Variants in GABRB3 observed in about 807,000 individuals in gnomAD.
The protein encoded by GABRB3 is gamma-aminobutyric acid type A receptor subunit beta3, also known as gamma-aminobutyric acid receptor subunit beta-3.
A neutral mutation model predicts 52.1 loss-of-function variants in GABRB3; 14 were observed. The observed-to-expected ratio is 0.27, with a 90% CI of 0.18 to 0.42. The LOEUF (loss-of-function observed/expected upper bound fraction) is 0.42, where lower values mean the gene tolerates loss of function less well. Ranked by LOEUF, GABRB3 falls within the 10% of genes least tolerant of loss-of-function variation. GABRB3 has a pLI of 1.00. For missense variants in GABRB3, 307 were observed against 609.1 expected, an observed-to-expected ratio of 0.50 and a Z score of 5.22; for synonymous variants, 260 against 232.3, an observed-to-expected ratio of 1.12 and a Z score of -1.08.
At chr15:26,572,350 G>A (rs1423278438) in intron 6 of GABRB3, among the ~76,000 whole-genome samples, 2 of 152,210 alleles carry the variant, frequency 1.3e-5, no homozygotes, top group African/African-American at 4.8e-5. Context: ...CACCTCTGGT[G>A]TATGAGACAT....
chr15:26,662,186 C>T (rs1595515939), intron 3 of GABRB3, among the ~76,000 whole-genome samples: 1 of 152,188 alleles, frequency 6.6e-6, no homozygotes, highest in Admixed American at 6.5e-5. Flanking sequence ...TACTTATCCT[C>T]TTTCATCTTT....
At chr15:26,667,225 A>G (rs2140623602) in intron 3 of GABRB3, among the ~76,000 whole-genome samples, 1 of 152,316 alleles carries the variant, frequency 6.6e-6, no homozygotes, top group African/African-American at 2.4e-5. Flanking sequence ...GATTCCAGCC[A>G]AAGTCTCCAA....
chr15:26,772,685 G>A lies in GABRB3; in HGVS notation c.168C>T (p.Phe56=). 2 of 1,569,294 alleles carry A rather than the reference G, an allele frequency of 1.3e-6. No individual in the cohort carries two copies. The highest frequency in any genetic ancestry group is 1.7e-6 in the Non-Finnish European group (2 of 1,158,008). Residue 56 remains phenylalanine, a synonymous_variant, in exon 2 of 9, where the codon TTC becomes TTT. Coordinates refer to ENST00000311550, the MANE Select transcript of GABRB3 (RefSeq NM_000814.6). The part of the protein sequence containing the change: ...KGYDIRLRPD[F]GGPPVCVGMN... ...GGCCGCGCGCAGCCCACTTACCCCC[G>A]AAGTCGGGTCTTAGGCGAATGTCGT...
chr15:26,582,908 A>G (rs1420566185), intron 5 of GABRB3, among the ~76,000 whole-genome samples: 1 of 152,218 alleles, frequency 6.6e-6, no homozygotes. Flanking sequence ...AAGCATCTGA[A>G]TACTACTCAA....
chr15:26,596,108 G>C (rs954410148), intron 4 of GABRB3, among the ~76,000 whole-genome samples: 8 of 152,090 alleles, frequency 5.3e-5, no homozygotes, highest in Admixed American at 6.6e-5. Context: ...GGTTGATCAC[G>C]GCAGGAGAGG....
intron 3 of GABRB3, among the ~76,000 whole-genome samples, chr15:26,723,396 C>A (rs553803933): frequency 5.3e-5 from 8 of 152,308 alleles, no homozygotes; most frequent in African/African-American, 1.7e-4. Flanking sequence ...ATAACCCCTC[C>A]CTACCTAGGG....
intron 3 of GABRB3, among the ~76,000 whole-genome samples, chr15:26,694,481 G>A (rs945638774): frequency 6.6e-6 from 1 of 152,164 alleles, no homozygotes; most frequent in African/African-American, 2.4e-5. Context: ...GAAGCCCAAA[G>A]ACAAAAGAGA....
At chr15:26,600,986 G>T (rs1012886628) in intron 4 of GABRB3, among the ~76,000 whole-genome samples, 3 of 152,064 alleles carry the variant, frequency 2.0e-5, no homozygotes, top group African/African-American at 4.8e-5. Context: ...AAATGTGTGT[G>T]GGGGGGAGTA....
intron 3 of GABRB3, chr15:26,624,874 C>T: frequency 3.0e-6 from 3 of 985,448 alleles, no homozygotes; most frequent in South Asian, 4.7e-5. Flanking sequence ...GCCATGGTGC[C>T]GCTCCTTGTG....
chr15:26,567,609 A>G lies in GABRB3; in HGVS notation c.807T>C (p.Tyr269=). Residue 269 remains tyrosine (Y), a synonymous_variant, in exon 7 of 9, where the codon TAT becomes TAC. Transcript: ENST00000311550. Reference sequence around the variant, plus strand: ...GGGCAACTCTAGCAGCAGATGCATCATAATTGATCCAGAAGGACACCCACG... The same window carrying G: ...GGGCAACTCTAGCAGCAGATGCATCGTAATTGATCCAGAAGGACACCCACG... ...ILSWVSFWIN[Y]DASAARVALG... The G allele has an allele frequency of 1.9e-6, 3 of 1,614,038 alleles. No homozygotes were observed. The highest frequency in any genetic ancestry group is 2.5e-6 in the Non-Finnish European group (3 of 1,180,030).
intron 3 of GABRB3, chr15:26,629,097 T>G (rs1892828101): frequency 1.3e-6 from 2 of 1,535,612 alleles, no homozygotes; most frequent in South Asian, 2.4e-5. Context: ...GACTGTCGCT[T>G]CCTCTCCATC....
intron 3 of GABRB3, among the ~76,000 whole-genome samples, chr15:26,677,074 T>A (rs1224858410): frequency 6.6e-6 from 1 of 152,168 alleles, no homozygotes; most frequent in Non-Finnish European, 1.5e-5. Flanking sequence ...ATAACATCGA[T>A]AAGTTGGATC....
intron 4 of GABRB3, among the ~76,000 whole-genome samples, chr15:26,616,384 T>C (rs978300708): frequency 3.3e-5 from 5 of 152,236 alleles, no homozygotes; most frequent in African/African-American, 1.2e-4. Context: ...TAGAGCTACA[T>C]GTTTTTTAAA....
chr15:26,753,413 C>T (rs1347001712), intron 3 of GABRB3, among the ~76,000 whole-genome samples: 3 of 152,146 alleles, frequency 2.0e-5, no homozygotes, highest in African/African-American at 4.8e-5. Context: ...AAAAAAGGAG[C>T]GGTCTTCACT....
At chr15:26,554,769 C>A (rs1889691195) in intron 8 of GABRB3, among the ~76,000 whole-genome samples, 1 of 152,146 alleles carries the variant, frequency 6.6e-6, no homozygotes, top group African/African-American at 2.4e-5. Flanking sequence ...GAGTGATCTG[C>A]CATTTTCACA....
At chr15:26,658,463 G>A (rs1887441678) in intron 3 of GABRB3, 1 of 152,104 alleles carries the variant, frequency 6.6e-6, no homozygotes, top group Non-Finnish European at 1.5e-5. Flanking sequence ...GCCCTAATAT[G>A]TACATACTCC....
intron 3 of GABRB3, among the ~76,000 whole-genome samples, chr15:26,704,745 T>C (rs28502002): frequency 0.023 from 3,497 of 152,308 alleles, 137 homozygotes; most frequent in African/African-American, 0.08. Context: ...AATTCTTAGC[T>C]GCCTTATAAC....
chr15:26,709,344 C>A (rs1475744998), intron 3 of GABRB3, among the ~76,000 whole-genome samples: 2 of 151,974 alleles, frequency 1.3e-5, no homozygotes, highest in Non-Finnish European at 2.9e-5. Context: ...GCCCGTACCC[C>A]CTACCTCCCC....
intron 3 of GABRB3, among the ~76,000 whole-genome samples, chr15:26,769,554 C>T (rs375434681): frequency 6.6e-6 from 1 of 152,170 alleles, no homozygotes; most frequent in Non-Finnish European, 1.5e-5. Flanking sequence ...TTTCCAACTT[C>T]GTCTCTGGAA....
Sources: allele counts gnomAD v4.1 joint callset (sites outside exome capture counted in the v4.1 genomes callset), GRCh38; gene constraint gnomAD v4.1.1; transcripts MANE v1.5; gene names NCBI Gene and HGNC (gene_info 2026-07-23, HGNC 2026-07-21).